MAGI3: variants seen among roughly 807,000 people sequenced by gnomAD.
MAGI3 encodes the protein membrane-associated guanylate kinase, WW and PDZ domain-containing protein 3.
MAGI3 carries 43 observed loss-of-function variants against 121.8 expected under a neutral mutation model. That is an observed-to-expected ratio of 0.35 (90% confidence interval 0.28 to 0.46). The LOEUF is 0.46. Ranked by LOEUF, MAGI3 falls within the 20% of genes least tolerant of loss-of-function variation. The pLI, the probability that MAGI3 is intolerant of heterozygous loss-of-function variation, is 1.00. For synonymous variants in MAGI3, 553 were observed against 639.3 expected (o/e 0.86, Z 2.04); for missense variants, 1,547 against 1,797.3 (o/e 0.86, Z 2.52).
At chr1:113,538,608 G>A (rs2101651854) in intron 1 of MAGI3, among the ~76,000 whole-genome samples, 1 of 152,238 alleles carries the variant, frequency 6.6e-6, no homozygotes, top group Middle Eastern at 3.4e-3. Context: ...ACCCAATTTT[G>A]ATTATTTACT....
chr1:113,588,931 G>A (rs1217238), intron 4 of MAGI3, among the ~76,000 whole-genome samples: 53,233 of 151,894 alleles, frequency 0.35, 10,437 homozygotes, highest in African/African-American at 0.51. Flanking sequence ...ACTGAACTGG[G>A]AACATGTTTT....
intron 1 of MAGI3, among the ~76,000 whole-genome samples, chr1:113,481,959 C>CT (rs147995749): frequency 0.031 from 4,578 of 148,918 alleles, 223 homozygotes; most frequent in African/African-American, 0.11. Flanking sequence ...TTCATTCTCT[C>CT]TTTTTTTTTT....
At chr1:113,511,561 A>G (rs1011345663) in intron 1 of MAGI3, among the ~76,000 whole-genome samples, 1 of 152,230 alleles carries the variant, frequency 6.6e-6, no homozygotes, top group Non-Finnish European at 1.5e-5. Context: ...CAAAGTTCCT[A>G]GCACTTCTGT....
At chr1:113,521,139 T>C (rs1570794234) in intron 1 of MAGI3, among the ~76,000 whole-genome samples, 1 of 150,270 alleles carries the variant, frequency 6.7e-6, no homozygotes, top group Non-Finnish European at 1.5e-5. Flanking sequence ...CAGGCTGGAG[T>C]GCAGTGGCTC....
At chr1:113,626,725 A>C (rs1651261537) in intron 9 of MAGI3, among the ~76,000 whole-genome samples, 1 of 152,138 alleles carries the variant, frequency 6.6e-6, no homozygotes, top group Non-Finnish European at 1.5e-5. Context: ...TAGGTTTTCC[A>C]ATTTGTTGGC....
chr1:113,430,115 A>G (rs1227239579), intron 1 of MAGI3, among the ~76,000 whole-genome samples: 1 of 152,198 alleles, frequency 6.6e-6, no homozygotes, highest in Non-Finnish European at 1.5e-5. Flanking sequence ...GGATTTTAAC[A>G]TATAATATAG....
intron 12 of MAGI3, among the ~76,000 whole-genome samples, chr1:113,648,597 A>G (rs966318642): frequency 1.3e-5 from 2 of 152,080 alleles, no homozygotes; most frequent in Non-Finnish European, 2.9e-5. Context: ...GACCCTGGAA[A>G]TCAACCTGGA....
At chr1:113,435,440 G>A (rs557034529) in intron 1 of MAGI3, among the ~76,000 whole-genome samples, 18 of 152,082 alleles carry the variant, frequency 1.2e-4, no homozygotes, top group Non-Finnish European at 2.1e-4. Flanking sequence ...ATTTGGAAGT[G>A]TCAGTTTCAC....
At chr1:113,547,226 A>G (rs192247806) in intron 1 of MAGI3, among the ~76,000 whole-genome samples, 2 of 152,238 alleles carry the variant, frequency 1.3e-5, no homozygotes, top group Admixed American at 6.5e-5. Flanking sequence ...TTAAAATGCA[A>G]TCTGAGTTTT....
chr1:113,557,505 G>A (rs1249544926), intron 2 of MAGI3, among the ~76,000 whole-genome samples: 1 of 152,118 alleles, frequency 6.6e-6, no homozygotes, highest in Non-Finnish European at 1.5e-5. Context: ...GATCCTCCCA[G>A]CTGGCTCTTC....
At chr1:113,669,183 A>G (rs1055029077) in intron 16 of MAGI3, among the ~76,000 whole-genome samples, 31 of 152,232 alleles carry the variant, frequency 2.0e-4, no homozygotes, top group African/African-American at 7.2e-4. Flanking sequence ...AAGACAATCG[A>G]ACTCTATACT....
intron 20 of MAGI3, chr1:113,682,061 CTACAG>C: frequency 2.2e-6 from 2 of 919,598 alleles, no homozygotes; most frequent in Admixed American, 3.1e-5. Flanking sequence ...ACATAACCTC[CTACAG>C]TACCCTTCCA....
intron 1 of MAGI3, among the ~76,000 whole-genome samples, chr1:113,532,310 A>G (rs959244050): frequency 1.3e-5 from 2 of 152,010 alleles, no homozygotes; most frequent in Admixed American, 1.3e-4. Context: ...AACAGAATTG[A>G]ACATGAAATT....
At chr1:113,472,404 G>A (rs941790189) in intron 1 of MAGI3, among the ~76,000 whole-genome samples, 6 of 151,920 alleles carry the variant, frequency 3.9e-5, no homozygotes, top group African/African-American at 9.7e-5. Flanking sequence ...GGGTTTCACC[G>A]TGTTAGCCAG....
chr1:113,494,322 G>C (rs1403859054), intron 1 of MAGI3, among the ~76,000 whole-genome samples: 1 of 152,046 alleles, frequency 6.6e-6, no homozygotes, highest in African/African-American at 2.4e-5. Context: ...GAGAACACGT[G>C]GACACGGGAA....
chr1:113,595,357 A>C (rs1440785282), intron 6 of MAGI3, among the ~76,000 whole-genome samples: 2 of 152,196 alleles, frequency 1.3e-5, no homozygotes, highest in African/African-American at 4.8e-5. Flanking sequence ...GTAAATAAGT[A>C]TAGAATTTAT....
chr1:113,521,323 T>C (rs1658183718), intron 1 of MAGI3, among the ~76,000 whole-genome samples: 1 of 151,820 alleles, frequency 6.6e-6, no homozygotes, highest in African/African-American at 2.4e-5. Context: ...TGACCTCAAG[T>C]GATCCACCTG....
At chr1:113,406,403 G>A (rs576346825) in intron 1 of MAGI3, among the ~76,000 whole-genome samples, 30 of 148,338 alleles carry the variant, frequency 2.0e-4, no homozygotes, top group African/African-American at 6.2e-4. Context: ...AATTATGATC[G>A]TGCTACTGTA....
chr1:113,626,868 A>G (rs1651272352), intron 9 of MAGI3, among the ~76,000 whole-genome samples: 1 of 151,770 alleles, frequency 6.6e-6, no homozygotes, highest in Non-Finnish European at 1.5e-5. Flanking sequence ...AGGTTTGTTA[A>G]TTGTATCTTT....
Sources: gnomAD v4.1 joint callset for allele counts (sites outside exome capture counted in the v4.1 genomes callset) on GRCh38, gnomAD v4.1.1 for gene constraint, MANE v1.5 for transcripts, NCBI Gene and HGNC (gene_info 2026-07-23, HGNC 2026-07-21) for gene names.